The following XKR6 variants were observed in gnomAD, a reference collection of about 807,000 sequenced individuals.
The protein encoded by XKR6 is XK related 6, also known as XK-related protein 6.
A neutral mutation model predicts 56.7 loss-of-function variants in XKR6; 22 were observed. The ratio of observed to expected loss-of-function variants is 0.39; its 90% CI spans 0.28 to 0.55. The LOEUF (loss-of-function observed/expected upper bound fraction) is 0.55. Among genes scored for constraint, XKR6 ranks in the 20% least tolerant of loss-of-function variants. The pLI, the probability that XKR6 is intolerant of heterozygous loss-of-function variation, is 0.66. For missense variants in XKR6, 852 were observed against 889.0 expected, an observed-to-expected ratio of 0.96 and a Z score of 0.53; for synonymous variants, 524 against 387.8, an observed-to-expected ratio of 1.35 and a Z score of -4.13.
chr8:10,911,981 AAG>A lies in XKR6; in HGVS notation c.961+12651_961+12652del, dbSNP rs1026378927. Among the ~76,000 whole-genome samples the A allele has an allele frequency of 1.0e-4, 15 of 145,658 alleles. No individual in the cohort carries two copies. The South Asian group carries it at 2.0e-3, about 20-fold the overall frequency. On this transcript the variant is annotated intron_variant, in intron 2 of 2. Transcript: ENST00000416569. ...TTGAGTTTACACATATATATGGAGA[AAG>A]AGAGAGAATATATATATATATAGAG... is the stretch of plus-strand genomic sequence containing the variant.
intron 1 of XKR6, among the ~76,000 whole-genome samples, chr8:11,025,519 G>A (rs1257226096): frequency 1.3e-5 from 2 of 152,164 alleles, no homozygotes; most frequent in Non-Finnish European, 2.9e-5. Flanking sequence ...AGCTTAGAGT[G>A]GGGGCGGCCT....
At chr8:11,191,482 C>G (rs1041869857) in intron 1 of XKR6, among the ~76,000 whole-genome samples, 1 of 152,084 alleles carries the variant, frequency 6.6e-6, no homozygotes, top group African/African-American at 2.4e-5. Flanking sequence ...AATAGTGGGA[C>G]AAAACACGTA....
chr8:11,152,246 T>C (rs1009367940), intron 1 of XKR6, among the ~76,000 whole-genome samples: 4 of 152,192 alleles, frequency 2.6e-5, no homozygotes, highest in Non-Finnish European at 5.9e-5. Flanking sequence ...TTACCCAAAC[T>C]TCTCTGAAGT....
chr8:11,158,690 A>G (rs751476228), intron 1 of XKR6, among the ~76,000 whole-genome samples: 11 of 152,218 alleles, frequency 7.2e-5, no homozygotes, highest in Admixed American at 2.0e-4. Context: ...TATTTATACA[A>G]TCGTATATCC....
chr8:11,060,083 G>A (rs1307422559), intron 1 of XKR6, among the ~76,000 whole-genome samples: 2 of 152,238 alleles, frequency 1.3e-5, no homozygotes, highest in African/African-American at 4.8e-5. Context: ...TGCACTTCTG[G>A]TGTTACCATT....
At chr8:10,956,717 A>G (rs1375407090) in intron 1 of XKR6, among the ~76,000 whole-genome samples, 1 of 152,164 alleles carries the variant, frequency 6.6e-6, no homozygotes, top group Admixed American at 6.5e-5. Flanking sequence ...AAAGGGCTGG[A>G]GCCAATAATC....
chr8:11,147,313 G>T (rs1231603503), intron 1 of XKR6, among the ~76,000 whole-genome samples: 1 of 152,034 alleles, frequency 6.6e-6, no homozygotes. Flanking sequence ...TCAATAATAA[G>T]AAGCCAAACA....
intron 1 of XKR6, among the ~76,000 whole-genome samples, chr8:11,166,062 T>C (rs1431948321): frequency 1.3e-5 from 2 of 150,996 alleles, no homozygotes; most frequent in Admixed American, 1.3e-4. Flanking sequence ...TTCAAGCAAA[T>C]CTCCTGCCTC....
intron 1 of XKR6, among the ~76,000 whole-genome samples, chr8:11,001,938 C>A (rs1490684379): frequency 1.3e-5 from 2 of 152,134 alleles, no homozygotes; most frequent in Non-Finnish European, 2.9e-5. Context: ...ACCCGTTGCT[C>A]CCCACAGCAC....
At chr8:10,956,630 T>A (rs10086778) in intron 1 of XKR6, among the ~76,000 whole-genome samples, 26,757 of 152,142 alleles carry the variant, frequency 0.18, 3,136 homozygotes, top group African/African-American at 0.34. Context: ...CTCATGGGGC[T>A]TTCCGAGAGT....
chr8:11,121,189 G>C (rs1425504558), intron 1 of XKR6, among the ~76,000 whole-genome samples: 2 of 152,124 alleles, frequency 1.3e-5, no homozygotes. Context: ...TGACAAATGG[G>C]ATCTGTTTAA....
chr8:11,153,188 G>A (rs140652297), intron 1 of XKR6, among the ~76,000 whole-genome samples: 26 of 152,290 alleles, frequency 1.7e-4, no homozygotes, highest in African/African-American at 5.5e-4. Context: ...GAAAAGCTAC[G>A]TGAAGAACTG....
intron 1 of XKR6, among the ~76,000 whole-genome samples, chr8:10,983,017 C>G (rs989769285): frequency 6.6e-6 from 1 of 152,162 alleles, no homozygotes; most frequent in South Asian, 2.1e-4. Flanking sequence ...AATTAACTTA[C>G]AGGGTTGTAA....
chr8:10,913,554 G>C (rs763012383), intron 2 of XKR6, among the ~76,000 whole-genome samples: 1 of 152,192 alleles, frequency 6.6e-6, no homozygotes, highest in Non-Finnish European at 1.5e-5. Flanking sequence ...GCCAAGAGCA[G>C]ATGTCATCAC....
At chr8:11,143,903 A>G (rs1800840410) in intron 1 of XKR6, among the ~76,000 whole-genome samples, 1 of 152,062 alleles carries the variant, frequency 6.6e-6, no homozygotes, top group African/African-American at 2.4e-5. Context: ...CTAGGTCTCA[A>G]ATGGGTTGTT....
At chr8:10,948,536 C>T (rs1286727240) in intron 1 of XKR6, among the ~76,000 whole-genome samples, 3 of 152,180 alleles carry the variant, frequency 2.0e-5, no homozygotes, top group African/African-American at 7.2e-5. Context: ...GCTGACTCTG[C>T]AGACCTTGTA....
intron 1 of XKR6, among the ~76,000 whole-genome samples, chr8:11,074,574 T>C (rs930524444): frequency 3.3e-5 from 5 of 152,208 alleles, no homozygotes; most frequent in South Asian, 2.1e-4. Flanking sequence ...ATTTGTCTAG[T>C]AGGGGAGTCC....
At chr8:11,062,642 C>T (rs1032480270) in intron 1 of XKR6, 23 of 405,386 alleles carry the variant, frequency 5.7e-5, no homozygotes, top group African/African-American at 4.8e-4. Context: ...AGCAAAGAAT[C>T]CCACAATAGT....
rs116937957 is a variant in XKR6, at chr8:11,176,179, G to A, written c.764+24397C>T. ...TTACAAATTATCCCATTTTGAAACCGGAAAAATCTCACAACTGTAATAACC... is the reference window on the plus strand; with the variant it reads ...TTACAAATTATCCCATTTTGAAACCAGAAAAATCTCACAACTGTAATAACC... On this transcript the variant is annotated intron_variant, in intron 1 of 2. Transcript: ENST00000416569. 1.4e-3 allele frequency among the ~76,000 whole-genome samples: 213 copies of A among 152,184 alleles called. 1 individual carries two copies. The highest frequency in any genetic ancestry group is 2.9e-3 in the Admixed American group (44 of 15,292).
Sources: gnomAD v4.1 joint callset for allele counts (sites outside exome capture counted in the v4.1 genomes callset) on GRCh38, gnomAD v4.1.1 for gene constraint, MANE v1.5 for transcripts, NCBI Gene and HGNC (gene_info 2026-07-23, HGNC 2026-07-21) for gene names.